Variants in ARHGEF38 observed in about 807,000 individuals in gnomAD.
ARHGEF38 encodes Rho guanine nucleotide exchange factor (GEF) 38.
A neutral mutation model predicts 79.9 loss-of-function variants in ARHGEF38; 79 were observed. The ratio of observed to expected loss-of-function variants is 0.99; its 90% CI spans 0.82 to 1.19. ARHGEF38 has a LOEUF of 1.19. Among genes scored for constraint, ARHGEF38 ranks in the 50% most tolerant of loss-of-function variants. The pLI is 0.00. For synonymous variants in ARHGEF38, 366 were observed against 328.3 expected, an observed-to-expected ratio of 1.11 and a Z score of -1.24; for missense variants, 962 against 907.2, an observed-to-expected ratio of 1.06 and a Z score of -0.78.
At chr4:105,656,774 T>C (rs1279175223) in intron 9 of ARHGEF38, among the ~76,000 whole-genome samples, 2 of 152,090 alleles carry the variant, frequency 1.3e-5, no homozygotes, top group African/African-American at 4.8e-5. Context: ...GCTCAAAATC[T>C]CAGTAACATC....
intron 3 of ARHGEF38, among the ~76,000 whole-genome samples, chr4:105,618,482 G>A (rs138407983): frequency 0.01 from 1,586 of 152,142 alleles, 28 homozygotes; most frequent in African/African-American, 0.036. Flanking sequence ...TTAGCCGGGC[G>A]TGGTGGCACG....
intron 2 of ARHGEF38, among the ~76,000 whole-genome samples, chr4:105,605,434 C>T (rs1319960745): frequency 6.6e-6 from 1 of 152,068 alleles, no homozygotes; most frequent in Non-Finnish European, 1.5e-5. Flanking sequence ...ACTCCCACTC[C>T]CCTTTCTGCA....
At chr4:105,596,703 A>G (rs1236557918) in intron 2 of ARHGEF38, among the ~76,000 whole-genome samples, 4 of 152,154 alleles carry the variant, frequency 2.6e-5, no homozygotes, top group Non-Finnish European at 2.9e-5. Context: ...GAGTGAGCCC[A>G]TTGCCGTCCT....
chr4:105,631,645 A>C, intron 4 of ARHGEF38: 2 of 984,856 alleles, frequency 2.0e-6, no homozygotes, highest in South Asian at 4.7e-5. Flanking sequence ...AAAATATAAC[A>C]AAGTATGTGT....
chr4:105,630,992 T>C lies in ARHGEF38; in HGVS notation c.603T>C (p.Tyr201=), dbSNP rs1336541629. 7 of 1,613,770 alleles carry C rather than the reference T, an allele frequency of 4.3e-6. No individual in the cohort carries two copies. Among genetic ancestry groups the C allele is most frequent in the Admixed American group, 3.3e-5 (2 of 59,988 alleles). The change falls in exon 4 of 14, where the codon TAT becomes TAC. Residue 201 remains tyrosine, a synonymous_variant. Coordinates refer to ENST00000420470, the MANE Select transcript of ARHGEF38 (RefSeq NM_001242729.2). ...HDEAHSILES[Y]EKEEELKEHL... is the part of the protein sequence containing the mutation. ...AAGCACATAGTATACTGGAGTCCTA[T>C]GAAAAGGAAGAAGAGCTGAAGGAAC...
In ARHGEF38 at chr4:105,584,122, G is replaced by T. The variant is rs747379260; in HGVS notation, c.197-5126G>T. Among the ~76,000 whole-genome samples the T allele has an allele frequency of 3.9e-5, 6 of 152,180 alleles. 1 individual carries two copies. The highest frequency in any genetic ancestry group is 1.3e-4 in the Admixed American group (2 of 15,270). On this transcript the variant is annotated intron_variant, in intron 1 of 13. Transcript: ENST00000420470. ...CAACAGCAGTGTCTGACACAATTAT[G>T]CTGTTGTTACAAAAAAGATCCCCAC...
At chr4:105,566,656 T>G (rs544563956) in intron 1 of ARHGEF38, among the ~76,000 whole-genome samples, 7 of 152,296 alleles carry the variant, frequency 4.6e-5, no homozygotes, top group African/African-American at 1.7e-4. Flanking sequence ...TACTGGGACT[T>G]ACTTATTATT....
chr4:105,665,420 C>G (rs994993758), intron 10 of ARHGEF38, among the ~76,000 whole-genome samples: 1 of 151,808 alleles, frequency 6.6e-6, no homozygotes, highest in African/African-American at 2.4e-5. Context: ...TCACTTGAAC[C>G]AGGGAGTCGG....
intron 1 of ARHGEF38, among the ~76,000 whole-genome samples, chr4:105,585,028 C>G (rs375371414): frequency 1.4e-4 from 22 of 152,220 alleles, no homozygotes; most frequent in African/African-American, 4.8e-4. Flanking sequence ...ATTTTTTTTC[C>G]TCTTCCTCTT....
At chr4:105,672,640 A>G (rs1346896592) in intron 13 of ARHGEF38, among the ~76,000 whole-genome samples, 1 of 152,194 alleles carries the variant, frequency 6.6e-6, no homozygotes, top group East Asian at 1.9e-4. Flanking sequence ...TTAAAACAAT[A>G]CAAACATATT....
chr4:105,665,344 A>G (rs913181892), intron 10 of ARHGEF38, among the ~76,000 whole-genome samples: 2 of 152,076 alleles, frequency 1.3e-5, no homozygotes, highest in Middle Eastern at 3.4e-3. Flanking sequence ...AATACAAAAA[A>G]TAATTAGCTG....
downstream of ARHGEF38, among the ~76,000 whole-genome samples, chr4:105,682,230 T>C (rs1731335809): frequency 6.6e-6 from 1 of 152,144 alleles, no homozygotes; most frequent in African/African-American, 2.4e-5. Flanking sequence ...TCCATTGATA[T>C]GAGAAATCAA....
intron 1 of ARHGEF38, among the ~76,000 whole-genome samples, chr4:105,582,990 T>C (rs28586986): frequency 5.3e-5 from 8 of 152,208 alleles, no homozygotes; most frequent in Non-Finnish European, 1.0e-4. Flanking sequence ...TATATATTTT[T>C]GTACTTTCAT....
chr4:105,654,429 A>G lies in ARHGEF38; in HGVS notation c.1113+260A>G, dbSNP rs924758606. Among the ~76,000 whole-genome samples the G allele has an allele frequency of 3.3e-5, 5 of 152,216 alleles. No homozygotes were observed. The East Asian group carries it at 9.6e-4, about 29-fold the overall frequency. On this transcript the variant is annotated intron_variant, in intron 8 of 13. Transcript: ENST00000420470. ...ACTTTTTTGCTCAGATGATTGCTTC[A>G]TGGACTATCAGCATGCTTTCTTTGC...
At chr4:105,567,073 G>A (rs1216916983) in intron 1 of ARHGEF38, among the ~76,000 whole-genome samples, 2 of 152,136 alleles carry the variant, frequency 1.3e-5, no homozygotes, top group African/African-American at 4.8e-5. Flanking sequence ...CATGAGTTCA[G>A]TTGTTTTAAT....
Position 105,654,146 on chromosome 4 carries a change from T to C in ARHGEF38, c.1090T>C (p.Ser364Pro), listed in dbSNP as rs372998288. ...KTVRLCVKNI[S>P]LCLQHIQDAM... is the part of the protein sequence containing the mutation. ...TGTGAGGCTTTGTGTGAAGAACATT[T>C]CACTCTGTCTTCAACACATACAGGT... Residue 364 changes from serine to proline, a missense_variant, in exon 8 of 14, where the codon TCA (serine) becomes CCA (proline). Physicochemically the swap from Ser to Pro is moderately conservative, Grantham distance 74 (BLOSUM62 -1). Coordinates refer to ENST00000420470, the MANE Select transcript of ARHGEF38 (RefSeq NM_001242729.2). The C allele has an allele frequency of 2.6e-5, 39 of 1,511,850 alleles. No homozygotes were observed. The East Asian group carries it at 2.7e-4, about 11-fold the overall frequency. 93.7% of individuals were successfully genotyped at this position (1,511,850 alleles called of 1,614,324 possible). A position where few individuals can be genotyped will look rare whatever the true frequency, so the allele number is the denominator to read the frequency against.
At chr4:105,609,618 A>G (rs561479167) in intron 2 of ARHGEF38, among the ~76,000 whole-genome samples, 2 of 152,260 alleles carry the variant, frequency 1.3e-5, no homozygotes, top group African/African-American at 2.4e-5. Context: ...TAAAATTTAT[A>G]TGCAACCACA....
At chr4:105,591,368 A>G (rs1727326853) in intron 2 of ARHGEF38, among the ~76,000 whole-genome samples, 1 of 152,114 alleles carries the variant, frequency 6.6e-6, no homozygotes, top group Non-Finnish European at 1.5e-5. Flanking sequence ...AGCTGGGACT[A>G]CAGGTGACTG....
At chr4:105,661,903 CG>C (rs778788235) in intron 10 of ARHGEF38, among the ~76,000 whole-genome samples, 73 of 152,142 alleles carry the variant, frequency 4.8e-4, no homozygotes, top group African/African-American at 1.2e-3. Flanking sequence ...CTATTTCCAA[CG>C]TTTTTTTATT....
Sources: gnomAD v4.1 joint callset for allele counts (sites outside exome capture counted in the v4.1 genomes callset) on GRCh38, gnomAD v4.1.1 for gene constraint, MANE v1.5 for transcripts, NCBI Gene and HGNC (gene_info 2026-07-23, HGNC 2026-07-21) for gene names.